YJU2: variants seen among roughly 807,000 people sequenced by gnomAD.
The protein encoded by YJU2 is YJU2 splicing factor homolog.
Under a neutral mutation model 39.6 loss-of-function variants are expected in YJU2, and 28 were observed. The ratio of observed to expected loss-of-function variants is 0.71; its 90% CI spans 0.52 to 0.97. The LOEUF (loss-of-function observed/expected upper bound fraction) is 0.97, where lower values mean the gene tolerates loss of function less well. Among genes scored for constraint, YJU2 ranks in the 50% least tolerant of loss-of-function variants. The pLI is 0.00. For synonymous variants in YJU2, 184 were observed against 182.4 expected, an observed-to-expected ratio of 1.01 and a Z score of -0.07; for missense variants, 328 against 430.4, an observed-to-expected ratio of 0.76 and a Z score of 2.11.
In YJU2 at chr19:4,262,047, A is replaced by G. The variant is rs748200319; in HGVS notation, c.641A>G (p.Glu214Gly). Residue 214 changes from glutamate to glycine, a missense_variant, in exon 6 of 8, where the codon GAG becomes GGG. This residue lies in a region of YJU2 where 244 missense variants were observed against 264.6 expected (regional missense o/e 0.92). Transcript: ENST00000262962. The part of the protein sequence containing the change: ...KRRLLEDSDS[E>G]DEAAPSPLQP... ...AGACTGCTGGAGGACTCCGACTCAG[A>G]GGATGAGGCTGCTCCCTCGCCCCTG... 5 of 1,613,118 alleles carry G rather than the reference A, an allele frequency of 3.1e-6. No homozygotes were observed. In the East Asian group the frequency reaches 1.1e-4, roughly 36 times the overall value.
chr19:4,267,618 C>T lies in YJU2; in HGVS notation c.709-6C>T, dbSNP rs766089707. 4.3e-6 allele frequency: 7 copies of T among 1,611,340 alleles called. No individual in the cohort carries two copies. The African/African-American group carries it at 6.7e-5, about 15-fold the overall frequency. ...AGACCCCCACATGTGTCCCCATCACCTGCAGGCCCCAAAGCCCAAGAGGAA... is the reference window on the plus strand; with the variant it reads ...AGACCCCCACATGTGTCCCCATCACTTGCAGGCCCCAAAGCCCAAGAGGAA... On this transcript the variant is annotated splice_region_variant and splice_polypyrimidine_tract_variant and intron_variant, in intron 6 of 7. Transcript: ENST00000262962.
Position 4,251,244 on chromosome 19 carries a change from C to G in YJU2, c.270+73C>G, listed in dbSNP as rs116550490. ...CAGATCAGGGCGGGCCCTGGGGTTC[C>G]TTAACTCCAATCCTCTCCATCCAGG... On this transcript the variant is annotated intron_variant, in intron 3 of 7. Transcript: ENST00000262962. The G allele has an allele frequency of 1.5e-3, 2,152 of 1,427,962 alleles. 23 individuals are homozygous for G. In the African/African-American group the frequency reaches 0.027, roughly 18 times the overall value. 88.5% of individuals were successfully genotyped at this position (1,427,962 alleles called of 1,614,324 possible). A position where few individuals can be genotyped will look rare whatever the true frequency, so the allele number is the denominator to read the frequency against.
chr19:4,251,773 G>A (rs1970978865), intron 3 of YJU2, among the ~76,000 whole-genome samples: 1 of 151,508 alleles, frequency 6.6e-6, no homozygotes, highest in Non-Finnish European at 1.5e-5. Context: ...GAGCCCCTGA[G>A]GTCAGGAGTT....
chr19:4,256,182 ATATAT>A (rs1169273483), intron 4 of YJU2, among the ~76,000 whole-genome samples: 4 of 97,346 alleles, frequency 4.1e-5, no homozygotes, highest in African/African-American at 1.5e-4. Flanking sequence ...AAAAAAAAAA[ATATAT>A]ATATATATAT....
At position 4,254,806 on chromosome 19, in the gene YJU2, C is replaced by T. The variant is rs1971006278; in HGVS notation, c.405+317C>T. On this transcript the variant is annotated intron_variant, in intron 4 of 7. Transcript: ENST00000262962. ...GGCGCAGTGGCTCACACCTGTAATC[C>T]CAGCACTTTTGGAGGCCGAAGTGGG... Among the ~76,000 whole-genome samples the T allele has an allele frequency of 2.0e-5, 3 of 151,826 alleles. No homozygotes were observed. In the South Asian group the frequency reaches 6.2e-4, roughly 31 times the overall value.
At chr19:4,265,235 C>T (rs528271981) in intron 6 of YJU2, among the ~76,000 whole-genome samples, 4 of 151,904 alleles carry the variant, frequency 2.6e-5, no homozygotes, top group Non-Finnish European at 5.9e-5. Flanking sequence ...TCCACACTTG[C>T]GTTTTCTTGG....
rs1568359672 is a variant in YJU2, at chr19:4,247,649, GT to G, written c.24+480del. 1.8e-3 allele frequency among the ~76,000 whole-genome samples: 114 copies of G among 65,098 alleles called. 9 individuals are homozygous for G. The highest frequency in any genetic ancestry group is 6.9e-3 in the East Asian group (13 of 1,888). 42.7% of individuals were successfully genotyped at this position (65,098 alleles called of 152,430 possible). A position where few individuals can be genotyped will look rare whatever the true frequency, so the allele number is the denominator to read the frequency against. ...TGTGTGTGTGTGTGTGTGTGTGTGT[GT>G]GTGTGTGTGTGTGTGTGTGTGTGTG... is the stretch of plus-strand genomic sequence containing the variant. On this transcript the variant is annotated intron_variant, in intron 1 of 7. Transcript: ENST00000262962.
At chr19:4,250,137 T>A (rs1399577061) in intron 2 of YJU2, among the ~76,000 whole-genome samples, 1 of 152,152 alleles carries the variant, frequency 6.6e-6, no homozygotes, top group Non-Finnish European at 1.5e-5. Context: ...ACTTCAGAAT[T>A]ACTGTATTTC....
intron 1 of YJU2, among the ~76,000 whole-genome samples, chr19:4,248,530 G>T (rs1041412729): frequency 3.3e-5 from 5 of 152,192 alleles, no homozygotes; most frequent in Non-Finnish European, 7.3e-5. Context: ...AGCTAACAGA[G>T]TCCTGGTTTA....
chr19:4,249,385 G>C, intron 2 of YJU2, 57 bp downstream of exon 2: 2 of 1,157,526 alleles, frequency 1.7e-6, no homozygotes, highest in Non-Finnish European at 2.6e-6. Flanking sequence ...CGCAGTGCCT[G>C]GCATCCACAG....
intron 4 of YJU2, among the ~76,000 whole-genome samples, chr19:4,256,157 G>A (rs184206899): frequency 5.5e-5 from 7 of 127,386 alleles, no homozygotes; most frequent in Non-Finnish European, 8.0e-5. Flanking sequence ...CTGGAAGACA[G>A]CAAGACTGTC....
intron 4 of YJU2, among the ~76,000 whole-genome samples, chr19:4,256,737 C>G (rs550745554): frequency 6.6e-6 from 1 of 152,160 alleles, no homozygotes; most frequent in African/African-American, 2.4e-5. Context: ...AGGAGCCACT[C>G]GCAAACTGGC....
At chr19:4,265,596 C>CTTT (rs1053853456) in intron 6 of YJU2, among the ~76,000 whole-genome samples, 1 of 139,386 alleles carries the variant, frequency 7.2e-6, no homozygotes. Context: ...ACCTAGGTAA[C>CTTT]TTTTTTTTTT....
chr19:4,260,942 G>A (rs1971065740), intron 5 of YJU2, among the ~76,000 whole-genome samples: 2 of 152,182 alleles, frequency 1.3e-5, no homozygotes, highest in Admixed American at 1.3e-4. Flanking sequence ...TGAATTATGA[G>A]GATGAGCTTC....
chr19:4,255,235 A>G (rs1971010248), intron 4 of YJU2, among the ~76,000 whole-genome samples: 1 of 151,904 alleles, frequency 6.6e-6, no homozygotes, highest in Admixed American at 6.6e-5. Context: ...AAAAAAATAA[A>G]TAAATAAAAG....
chr19:4,259,439 G>T (rs1225727630), intron 5 of YJU2, among the ~76,000 whole-genome samples: 1 of 152,104 alleles, frequency 6.6e-6, no homozygotes, highest in Non-Finnish European at 1.5e-5. Context: ...GAGTGCAGTA[G>T]TGCAGTCATA....
In YJU2 at chr19:4,247,113, T is replaced by C. The variant is rs750704084; in HGVS notation, c.-34T>C. ...TCGATAATTACCCAGCCTAACCATTTCTCAGGTGCTTGCGAGGTGATCAGA... is the reference window on the plus strand; with the variant it reads ...TCGATAATTACCCAGCCTAACCATTCCTCAGGTGCTTGCGAGGTGATCAGA... On this transcript the variant is annotated 5_prime_UTR_variant, in exon 1 of 8. Coordinates refer to ENST00000262962, the MANE Select transcript of YJU2 (RefSeq NM_018074.6). 1.6e-5 allele frequency: 26 copies of C among 1,610,270 alleles called. No individual in the cohort carries two copies. Among genetic ancestry groups the C allele is most frequent in the Non-Finnish European group, 2.0e-5 (24 of 1,176,494 alleles).
chr19:4,259,186 A>ACTC (rs1401930350), intron 5 of YJU2, among the ~76,000 whole-genome samples: 1 of 81,698 alleles, frequency 1.2e-5, no homozygotes, highest in African/African-American at 8.9e-5. Flanking sequence ...GGTTCATGCC[A>ACTC]TTCTGCCTCA....
At chr19:4,249,145 G>A (rs1471549500) in intron 1 of YJU2, 83 bp from the exon 2 acceptor site, 2 of 929,698 alleles carry the variant, frequency 2.2e-6, no homozygotes, top group Non-Finnish European at 3.3e-6. Context: ...CCCCGACACA[G>A]CTCCCCAGAG....
Sources: gnomAD v4.1 joint callset for allele counts (sites outside exome capture counted in the v4.1 genomes callset) on GRCh38, gnomAD v4.1.1 for gene constraint, gnomAD v4.1.1 regional missense constraint, MANE v1.5 for transcripts, NCBI Gene and HGNC (gene_info 2026-07-23, HGNC 2026-07-21) for gene names.